The following NTN1 variants were observed in gnomAD, a reference collection of about 807,000 sequenced individuals.
NTN1 encodes the protein netrin 1.
A neutral mutation model predicts 54.2 loss-of-function variants in NTN1; 11 were observed. That is an observed-to-expected ratio of 0.20 (90% CI 0.13 to 0.34). The LOEUF (loss-of-function observed/expected upper bound fraction) is 0.34, where lower values mean the gene tolerates loss of function less well. NTN1 is among the 10% of genes least tolerant of loss of function. NTN1 has a pLI of 1.00. For missense variants in NTN1, 740 were observed against 893.1 expected (o/e 0.83, Z 2.18); for synonymous variants, 371 against 382.0 (o/e 0.97, Z 0.33).
chr17:9,183,725 T>G (rs1320101554), intron 5 of NTN1: 5 of 185,286 alleles, frequency 2.7e-5, no homozygotes, highest in Admixed American at 5.5e-5. Context: ...ATTTCAGTAT[T>G]ATTAATTTCC....
intron 5 of NTN1, among the ~76,000 whole-genome samples, chr17:9,199,956 C>T (rs1904736395): frequency 6.6e-6 from 1 of 152,222 alleles, no homozygotes; most frequent in Non-Finnish European, 1.5e-5. Flanking sequence ...CCAGGGTGTG[C>T]ATTCTGCCCA....
intron 2 of NTN1, among the ~76,000 whole-genome samples, chr17:9,116,179 G>A (rs1423739001): frequency 3.9e-5 from 6 of 152,220 alleles, no homozygotes; most frequent in Non-Finnish European, 8.8e-5. Flanking sequence ...CCACAGAGGC[G>A]AGTGGCTCTG....
At chr17:9,096,602 A>G (rs1597486210) in intron 2 of NTN1, among the ~76,000 whole-genome samples, 1 of 151,688 alleles carries the variant, frequency 6.6e-6, no homozygotes, top group South Asian at 2.1e-4. Flanking sequence ...CCATCTCCTG[A>G]CCTTGTGATC....
At chr17:9,032,321 C>T (rs1173747139) in intron 2 of NTN1, among the ~76,000 whole-genome samples, 1 of 152,222 alleles carries the variant, frequency 6.6e-6, no homozygotes, top group African/African-American at 2.4e-5. Context: ...AAAGAGTGGT[C>T]CCCCAAGGAA....
At chr17:9,193,039 C>T (rs1014545280) in intron 5 of NTN1, among the ~76,000 whole-genome samples, 2 of 145,058 alleles carry the variant, frequency 1.4e-5, no homozygotes, top group Non-Finnish European at 3.0e-5. Flanking sequence ...AGGATCATGC[C>T]ACTGCACTCC....
chr17:9,238,791 G>A (rs556627235), intron 6 of NTN1, among the ~76,000 whole-genome samples: 5 of 152,252 alleles, frequency 3.3e-5, no homozygotes, highest in African/African-American at 1.2e-4. Context: ...ATGACATCTG[G>A]TAACATTTGT....
At chr17:9,091,983 C>T (rs1281547976) in intron 2 of NTN1, among the ~76,000 whole-genome samples, 2 of 151,962 alleles carry the variant, frequency 1.3e-5, no homozygotes, top group South Asian at 2.1e-4. Flanking sequence ...CGGTGACTCC[C>T]GGGTTCAAGC....
intron 6 of NTN1, among the ~76,000 whole-genome samples, chr17:9,224,247 T>G (rs1905459983): frequency 6.6e-6 from 1 of 152,008 alleles, no homozygotes; most frequent in African/African-American, 2.4e-5. Flanking sequence ...CCTCACCTCT[T>G]CTCTTCAGGC....
chr17:9,074,511 G>A (rs866659894), intron 2 of NTN1, among the ~76,000 whole-genome samples: 5 of 152,284 alleles, frequency 3.3e-5, no homozygotes, highest in Middle Eastern at 3.4e-3. Context: ...GGCTTCAGAG[G>A]CGTGACTGTG....
intron 2 of NTN1, among the ~76,000 whole-genome samples, chr17:9,151,428 C>A (rs2092327406): frequency 6.6e-6 from 1 of 152,158 alleles, no homozygotes; most frequent in Admixed American, 6.5e-5. Context: ...GGAACTCCAG[C>A]CTCCCGTCCC....
chr17:9,113,224 A>G (rs535414677), intron 2 of NTN1, among the ~76,000 whole-genome samples: 3 of 151,796 alleles, frequency 2.0e-5, no homozygotes, highest in Non-Finnish European at 2.9e-5. Flanking sequence ...GGGTTTCACT[A>G]TCTTGGCCAG....
intron 2 of NTN1, among the ~76,000 whole-genome samples, chr17:9,063,739 G>A (rs1236389992): frequency 2.6e-5 from 4 of 151,828 alleles, no homozygotes; most frequent in East Asian, 1.9e-4. Context: ...TAGTAGAGAT[G>A]GGGTTTCACC....
intron 2 of NTN1, among the ~76,000 whole-genome samples, chr17:9,156,287 T>TGGTC (rs2092342083): frequency 6.7e-6 from 1 of 150,134 alleles, no homozygotes; most frequent in African/African-American, 2.4e-5. Flanking sequence ...AGAGATAACA[T>TGGTC]GGTCAGTCTT....
Position 9,221,282 on chromosome 17 carries a change from G to T in NTN1, c.1486+40G>T. The T allele has an allele frequency of 2.0e-6, 3 of 1,527,496 alleles. No individual in the cohort carries two copies. The highest frequency in any genetic ancestry group is 2.2e-5 in the South Asian group (2 of 89,308). 94.6% of individuals were successfully genotyped at this position (1,527,496 alleles called of 1,614,324 possible). On this transcript the variant is annotated intron_variant, in intron 6 of 6. Transcript: ENST00000173229. The surrounding 1 kb of genome is among the most constrained non-coding windows in gnomAD (Gnocchi z 4.5). The stretch of plus-strand genomic sequence containing the variant: ...CCTTGTCTGGGGAGGATGGGAGGGG[G>T]CCACGTGACCAGCGAGGTGCTGGGG...
chr17:9,171,821 C>T (rs551716499), intron 3 of NTN1: 1 of 151,964 alleles, frequency 6.6e-6, no homozygotes, highest in Admixed American at 6.6e-5. Flanking sequence ...GAGTTGGGTC[C>T]CATTCTCAGA....
At chr17:9,070,186 T>C (rs972753411) in intron 2 of NTN1, among the ~76,000 whole-genome samples, 1 of 152,216 alleles carries the variant, frequency 6.6e-6, no homozygotes, top group African/African-American at 2.4e-5. Context: ...ACTCAGTTTC[T>C]CTTTCTGTCT....
Position 9,022,933 on chromosome 17 carries a change from G to C in NTN1, c.560G>C (p.Arg187Pro). 1 of 1,611,848 alleles carries C rather than the reference G, an allele frequency of 6.2e-7. No homozygotes were observed. The highest frequency in any genetic ancestry group is 8.5e-7 in the Non-Finnish European group (1 of 1,179,788). ...ACGCAGTGCCGCAAGATGTACAACC[G>C]GCCGCACCGCGCGCCCATCACCAAG... ...YSTQCRKMYN[R>P]PHRAPITKQN... is the part of the protein sequence containing the mutation. The change falls in exon 2 of 7, where the codon CGG (arginine) becomes CCG (proline). Residue 187 changes from arginine to proline, a missense_variant. Transcript: ENST00000173229.
At position 9,241,356 on chromosome 17, in the gene NTN1, T is replaced by G. The variant is rs1906207075; in HGVS notation, c.*1388T>G. On this transcript the variant is annotated 3_prime_UTR_variant, in exon 7 of 7. Coordinates refer to ENST00000173229, the MANE Select transcript of NTN1 (RefSeq NM_004822.3). ...CCCTCCACTGTGCCCCAGCCCTCCT[T>G]CCAAAATCTCCTAGAGACACGGTCC... is the stretch of plus-strand genomic sequence containing the variant. 6.5e-6 allele frequency: 1 copy of G among 152,672 alleles called. No homozygotes were observed. 9.5% of individuals were successfully genotyped at this position (152,672 alleles called of 1,614,324 possible).
intron 3 of NTN1, among the ~76,000 whole-genome samples, chr17:9,164,628 A>G (rs2092368786): frequency 6.6e-6 from 1 of 152,156 alleles, no homozygotes; most frequent in Non-Finnish European, 1.5e-5. Context: ...ACAGGTTCCC[A>G]ATCTGTCTCT....
Sources: gnomAD v4.1 joint callset for allele counts (sites outside exome capture counted in the v4.1 genomes callset) on GRCh38, gnomAD v4.1.1 for gene constraint, Gnocchi (gnomAD v3.1) non-coding constraint, MANE v1.5 for transcripts, NCBI Gene and HGNC (gene_info 2026-07-23, HGNC 2026-07-21) for gene names.